Variants in SGCZ observed in about 807,000 individuals in gnomAD.
SGCZ encodes the protein sarcoglycan zeta, also known as zeta-sarcoglycan.
SGCZ carries 40 observed loss-of-function variants against 41.3 expected under a neutral mutation model. The ratio of observed to expected loss-of-function variants is 0.97; its 90% confidence interval spans 0.75 to 1.26. The LOEUF (loss-of-function observed/expected upper bound fraction) is 1.26. SGCZ is among the 50% of genes most tolerant of loss of function. The probability of loss-of-function intolerance (pLI) is 0.00; values close to 1 mark genes in which losing one functional copy is unlikely to be tolerated. For synonymous variants in SGCZ, 206 were observed against 137.5 expected (o/e 1.50, Z -3.49); for missense variants, 552 against 369.8 (o/e 1.49, Z -4.04).
intron 1 of SGCZ, among the ~76,000 whole-genome samples, chr8:14,826,764 G>C (rs1055780172): frequency 8.5e-5 from 13 of 152,076 alleles, no homozygotes; most frequent in African/African-American, 2.2e-4. Context: ...ATCCTTTGCC[G>C]ACTTTTTGAT....
rs548043373 is a variant in SGCZ, at chr8:14,329,042, T to C, written c.235-4838A>G. Among the ~76,000 whole-genome samples the C allele has an allele frequency of 4.6e-5, 7 of 151,036 alleles. No homozygotes were observed. The South Asian group carries it at 1.5e-3, about 32-fold the overall frequency. ...TCTTGGACTTCCCAGCCTTCAAAACTGTAAGAAAATATTTTCTGCGTTTTT... is the reference window on the plus strand; with the variant it reads ...TCTTGGACTTCCCAGCCTTCAAAACCGTAAGAAAATATTTTCTGCGTTTTT... On this transcript the variant is annotated intron_variant, in intron 2 of 7. Coordinates refer to ENST00000382080, the MANE Select transcript of SGCZ (RefSeq NM_139167.4).
At chr8:15,005,478 T>C (rs1035288212) in intron 1 of SGCZ, among the ~76,000 whole-genome samples, 1 of 151,966 alleles carries the variant, frequency 6.6e-6, no homozygotes, top group African/African-American at 2.4e-5. Flanking sequence ...ATTACAGGCA[T>C]GCGCCACCAC....
At chr8:14,225,629 T>A (rs567435259) in intron 4 of SGCZ, among the ~76,000 whole-genome samples, 20 of 152,218 alleles carry the variant, frequency 1.3e-4, no homozygotes, top group South Asian at 2.1e-4. Flanking sequence ...TATCCACATA[T>A]ATGTGATATG....
chr8:14,425,442 G>A (rs1304809104), intron 2 of SGCZ, among the ~76,000 whole-genome samples: 2 of 152,018 alleles, frequency 1.3e-5, no homozygotes, highest in African/African-American at 2.4e-5. Flanking sequence ...CCAACATGAT[G>A]AAACCCCATC....
At chr8:15,059,849 C>T (rs1304430467) in intron 1 of SGCZ, among the ~76,000 whole-genome samples, 2 of 152,186 alleles carry the variant, frequency 1.3e-5, no homozygotes, top group Non-Finnish European at 2.9e-5. Flanking sequence ...AAGGTCTTTT[C>T]ATCCTTTGTC....
chr8:15,206,930 G>A (rs187477972), intron 1 of SGCZ, among the ~76,000 whole-genome samples: 21 of 152,224 alleles, frequency 1.4e-4, no homozygotes, highest in Admixed American at 1.3e-4. Context: ...AAAATTTGCT[G>A]TAACAAGACA....
intron 3 of SGCZ, among the ~76,000 whole-genome samples, chr8:14,303,623 A>G (rs1042756135): frequency 2.0e-5 from 3 of 152,168 alleles, no homozygotes; most frequent in Non-Finnish European, 4.4e-5. Flanking sequence ...AAAAACTTCC[A>G]GCAAAGCCTA....
In SGCZ at chr8:14,945,946, T is replaced by G. The variant is rs181189313; in HGVS notation, c.39+291639A>C. On this transcript the variant is annotated intron_variant, in intron 1 of 7. Coordinates refer to ENST00000382080, the MANE Select transcript of SGCZ (RefSeq NM_139167.4). Reference sequence around the variant, plus strand: ...TGGCATGCCAGATTGCAGATAGGCCTCTCATGGGACTTTTCAGCCTCCATA... The same window carrying G: ...TGGCATGCCAGATTGCAGATAGGCCGCTCATGGGACTTTTCAGCCTCCATA... 2.9e-3 allele frequency among the ~76,000 whole-genome samples: 400 copies of G among 138,498 alleles called. 10 individuals carry two copies. The highest frequency in any genetic ancestry group is 0.028 in the Admixed American group (364 of 13,120). 90.9% of individuals were successfully genotyped at this position (138,498 alleles called of 152,430 possible). A position where few individuals can be genotyped will look rare whatever the true frequency, so the allele number is the denominator to read the frequency against.
At chr8:14,094,248 G>A (rs534496330) in intron 7 of SGCZ, among the ~76,000 whole-genome samples, 51 of 151,986 alleles carry the variant, frequency 3.4e-4, no homozygotes, top group African/African-American at 1.1e-3. Context: ...ACCAATCAAC[G>A]CATCATCTAC....
chr8:14,254,684 CAT>C (rs1799401248), intron 3 of SGCZ, among the ~76,000 whole-genome samples: 1 of 152,068 alleles, frequency 6.6e-6, no homozygotes, highest in African/African-American at 2.4e-5. Context: ...TTCCACTAAA[CAT>C]ATTTAAAAGT....
chr8:14,302,260 G>A (rs1766588775), intron 3 of SGCZ, among the ~76,000 whole-genome samples: 1 of 152,034 alleles, frequency 6.6e-6, no homozygotes, highest in Admixed American at 6.6e-5. Context: ...AAACATTTCT[G>A]CAAAAACACT....
chr8:14,544,986 C>G (rs6991704), intron 2 of SGCZ, among the ~76,000 whole-genome samples: 1 of 152,088 alleles, frequency 6.6e-6, no homozygotes, highest in Admixed American at 6.6e-5. Context: ...CCTTTTGAAA[C>G]CTTTAATAAA....
chr8:14,299,011 T>C (rs1303403288), intron 3 of SGCZ, among the ~76,000 whole-genome samples: 1 of 152,036 alleles, frequency 6.6e-6, no homozygotes, highest in Non-Finnish European at 1.5e-5. Context: ...TATAGGTCAA[T>C]TGAACCGAAT....
At chr8:14,577,112 C>T (rs1317769161) in intron 1 of SGCZ, among the ~76,000 whole-genome samples, 1 of 152,202 alleles carries the variant, frequency 6.6e-6, no homozygotes, top group Non-Finnish European at 1.5e-5. Context: ...TATCACTAAA[C>T]ACCTATAAAC....
chr8:15,068,988 CA>C (rs755726843), intron 1 of SGCZ, among the ~76,000 whole-genome samples: 12 of 152,116 alleles, frequency 7.9e-5, no homozygotes, highest in African/African-American at 1.4e-4. Flanking sequence ...CAGAATACAA[CA>C]AAAGCTGATC....
At chr8:14,106,306 GA>G (rs939007313) in intron 6 of SGCZ, among the ~76,000 whole-genome samples, 30 of 152,120 alleles carry the variant, frequency 2.0e-4, no homozygotes, top group Admixed American at 9.8e-4. Flanking sequence ...ATTCCTGCCT[GA>G]AAAAAGAGCC....
intron 3 of SGCZ, among the ~76,000 whole-genome samples, chr8:14,311,399 A>T (rs886935055): frequency 1.3e-5 from 2 of 152,036 alleles, no homozygotes; most frequent in Non-Finnish European, 2.9e-5. Context: ...GTTTTCTGTT[A>T]TTTTTGGTGC....
At chr8:14,244,627 C>A (rs9693610) in intron 3 of SGCZ, among the ~76,000 whole-genome samples, 150,790 of 151,516 alleles carry the variant, frequency 1, 75,039 homozygotes, top group East Asian at 1. Flanking sequence ...CAATTCTGTG[C>A]AGAAAGGCAT....
intron 2 of SGCZ, among the ~76,000 whole-genome samples, chr8:14,408,116 G>A (rs1482364044): frequency 1.3e-5 from 2 of 152,044 alleles, no homozygotes; most frequent in Non-Finnish European, 2.9e-5. Context: ...TACTTCAATA[G>A]CATGTGTAGG....
Sources: allele counts gnomAD v4.1 joint callset (sites outside exome capture counted in the v4.1 genomes callset), GRCh38; gene constraint gnomAD v4.1.1; transcripts MANE v1.5; gene names NCBI Gene and HGNC (gene_info 2026-07-23, HGNC 2026-07-21).